The following IFT20 variants were observed in gnomAD, a reference collection of about 807,000 sequenced individuals.
IFT20 encodes intraflagellar transport protein 20 homolog.
In IFT20, 4 loss-of-function variants were observed where a neutral mutation model predicts 16.9. The observed-to-expected ratio is 0.24, with a 90% confidence interval of 0.12 to 0.54. IFT20 has a LOEUF of 0.54. Ranked by LOEUF, IFT20 falls within the 20% of genes least tolerant of loss-of-function variation. The pLI is 0.95. For missense variants in IFT20, 154 were observed against 149.7 expected, an observed-to-expected ratio of 1.03 and a Z score of -0.15; for synonymous variants, 48 against 49.9, an observed-to-expected ratio of 0.96 and a Z score of 0.16.
Position 28,332,666 on chromosome 17 carries a change from A to C in IFT20, c.-2-679T>G, listed in dbSNP as rs114024905. On this transcript the variant is annotated intron_variant, in intron 1 of 4. Coordinates refer to ENST00000395418, the MANE Select transcript of IFT20 (RefSeq NM_001267776.2). Reference sequence around the variant, plus strand: ...AAAAAATAAAAAGTCAGGAGTAAGAATATTACTCAAAACGTATGCTTGCCT... The same window carrying C: ...AAAAAATAAAAAGTCAGGAGTAAGACTATTACTCAAAACGTATGCTTGCCT... 970 of 156,936 alleles carry C rather than the reference A, an allele frequency of 6.2e-3. 11 individuals carry two copies. Among genetic ancestry groups the C allele is most frequent in the African/African-American group, 0.021 (860 of 41,590 alleles). 9.7% of individuals were successfully genotyped at this position (156,936 alleles called of 1,614,324 possible). A position where few individuals can be genotyped will look rare whatever the true frequency, so the allele number is the denominator to read the frequency against.
intron 3 of IFT20, 49 bp downstream of exon 3, chr17:28,330,394 G>A (rs1206426130): frequency 1.5e-6 from 2 of 1,292,484 alleles, no homozygotes; most frequent in East Asian, 2.3e-5. Context: ...AGAGGGTAGT[G>A]AACTAGGGTC....
chr17:28,333,088 C>CACACACAA (rs1311482650), intron 1 of IFT20, among the ~76,000 whole-genome samples: 2 of 143,838 alleles, frequency 1.4e-5, no homozygotes, highest in Non-Finnish European at 3.0e-5. Context: ...CACACACACA[C>CACACACAA]ACACACACAC....
In IFT20 at chr17:28,333,941, C is replaced by A. The variant is rs527863226; in HGVS notation, c.-3+1399G>T. ...GTGAGACCCTGTCTCAAAAAAAAAA[C>A]CAAAAAATCTGTCTTTCGCAGCTAC... On this transcript the variant is annotated intron_variant, in intron 1 of 4. Coordinates refer to ENST00000395418, the MANE Select transcript of IFT20 (RefSeq NM_001267776.2). Among the ~76,000 whole-genome samples, 11 of 151,944 alleles carry A rather than the reference C, an allele frequency of 7.2e-5. No homozygotes were observed. In the South Asian group the frequency reaches 8.3e-4, roughly 11 times the overall value.
At chr17:28,330,685 C>A (rs1176320022) in intron 2 of IFT20, among the ~76,000 whole-genome samples, 157 bp from the exon 3 acceptor site, 1 of 152,048 alleles carries the variant, frequency 6.6e-6, no homozygotes, top group African/African-American at 2.4e-5. Context: ...CAACTGTAGT[C>A]CCAGCTACTC....
At chr17:28,332,172 G>T in intron 1 of IFT20, 185 bp from the exon 2 acceptor site, 3 of 1,539,276 alleles carry the variant, frequency 1.9e-6, no homozygotes, top group South Asian at 2.4e-5. Context: ...TTCCCTAGAG[G>T]AGTTCTGCTC....
intron 3 of IFT20, chr17:28,329,507 C>T (rs1906588775): frequency 2.1e-6 from 1 of 485,182 alleles, no homozygotes; most frequent in Non-Finnish European, 3.7e-6. Flanking sequence ...GAGCCAGGGA[C>T]ACAGGCACAA....
chr17:28,330,141 TG>T, intron 3 of IFT20: 1 of 604,096 alleles, frequency 1.7e-6, no homozygotes, highest in South Asian at 1.9e-5. Context: ...GAGGGTGAGG[TG>T]GGAGAATCGC....
At position 28,330,849 on chromosome 17, in the gene IFT20, T is replaced by G. The variant is rs528077610; in HGVS notation, c.128-321A>C. On this transcript the variant is annotated intron_variant, in intron 2 of 4. Coordinates refer to ENST00000395418, the MANE Select transcript of IFT20 (RefSeq NM_001267776.2). The stretch of plus-strand genomic sequence containing the variant: ...GTTGGCCTGTCTCCTACCCTTGGTC[T>G]GAACCTAGAGAAGGGTGGCCAGCTG... Among the ~76,000 whole-genome samples, 5 of 152,356 alleles carry G rather than the reference T, an allele frequency of 3.3e-5. No individual in the cohort carries two copies. The South Asian group carries it at 1.0e-3, about 32-fold the overall frequency.
chr17:28,330,653 G>T, intron 2 of IFT20, 125 bp from the exon 3 acceptor site: 1 of 684,766 alleles, frequency 1.5e-6, no homozygotes, highest in Non-Finnish European at 2.6e-6. Flanking sequence ...ATAGTTCGGT[G>T]TGGGCCAGGC....
intron 1 of IFT20, among the ~76,000 whole-genome samples, chr17:28,334,552 TAGAA>T (rs1165433873): frequency 2.6e-5 from 4 of 152,186 alleles, no homozygotes; most frequent in Admixed American, 6.5e-5. Flanking sequence ...AAATCAGACT[TAGAA>T]AGATCACTCT....
chr17:28,332,002 G>A lies in IFT20; in HGVS notation c.-2-15C>T, dbSNP rs1555576641. On this transcript the variant is annotated splice_polypyrimidine_tract_variant and intron_variant, in intron 1 of 4. Coordinates refer to ENST00000395418, the MANE Select transcript of IFT20 (RefSeq NM_001267776.2). ...CTTGGCCATGGCTGTAAAGAAACAG[G>A]CCCAATTCCTCATCACTTCCCAGCC... The A allele has an allele frequency of 6.2e-7, 1 of 1,614,116 alleles. No individual in the cohort carries two copies. The highest frequency in any genetic ancestry group is 2.2e-5 in the East Asian group (1 of 44,884).
At chr17:28,330,734 T>TA (rs1375747944) in intron 2 of IFT20, among the ~76,000 whole-genome samples, 2 of 152,076 alleles carry the variant, frequency 1.3e-5, no homozygotes, top group Admixed American at 1.3e-4. Flanking sequence ...ACCCAGGAGT[T>TA]AGAGGATGTG....
intron 1 of IFT20, among the ~76,000 whole-genome samples, chr17:28,334,265 A>G (rs553570006): frequency 1.3e-5 from 2 of 152,364 alleles, no homozygotes; most frequent in East Asian, 3.9e-4. Flanking sequence ...TTCTGAAAAA[A>G]ATGACACTTA....
At chr17:28,333,254 C>G (rs565553783) in intron 1 of IFT20, among the ~76,000 whole-genome samples, 1 of 152,256 alleles carries the variant, frequency 6.6e-6, no homozygotes, top group African/African-American at 2.4e-5. Context: ...CCTCTGCCCC[C>G]ACTGCCCCCA....
chr17:28,335,267 C>G (rs1211750210), intron 1 of IFT20, 73 bp downstream of exon 1: 2 of 152,236 alleles, frequency 1.3e-5, no homozygotes, highest in Admixed American at 6.5e-5. Context: ...TACTGCCTTT[C>G]CTCAGGACGC....
intron 1 of IFT20, among the ~76,000 whole-genome samples, chr17:28,333,831 T>C (rs1906947711): frequency 6.6e-6 from 1 of 151,920 alleles, no homozygotes; most frequent in Non-Finnish European, 1.5e-5. Flanking sequence ...CTTGGGAGGG[T>C]AAGCTGGGAG....
At chr17:28,333,870 G>A (rs1419874600) in intron 1 of IFT20, among the ~76,000 whole-genome samples, 1 of 152,144 alleles carries the variant, frequency 6.6e-6, no homozygotes, top group Admixed American at 6.5e-5. Context: ...GGTGGAGGCT[G>A]CAGTGAGCCG....
chr17:28,332,182 C>A lies in IFT20; in HGVS notation c.-2-195G>T. The A allele has an allele frequency of 2.0e-6, 3 of 1,538,044 alleles. No individual in the cohort carries two copies. The South Asian group carries it at 3.6e-5, about 18-fold the overall frequency. On this transcript the variant is annotated intron_variant, in intron 1 of 4. Coordinates refer to ENST00000395418, the MANE Select transcript of IFT20 (RefSeq NM_001267776.2). ...CCAGGTTCCCTAGAGGAGTTCTGCT[C>A]TGAAGGAGTGACAGTGGCAGTCAGG... is the stretch of plus-strand genomic sequence containing the variant.
intron 1 of IFT20, chr17:28,332,800 G>A (rs972594364): frequency 1.6e-4 from 25 of 152,890 alleles, no homozygotes; most frequent in Admixed American, 4.6e-4. Context: ...GGTATTCCAA[G>A]CAGAGAAAAC....
Sources: allele counts gnomAD v4.1 joint callset (sites outside exome capture counted in the v4.1 genomes callset), GRCh38; gene constraint gnomAD v4.1.1; transcripts MANE v1.5; gene names NCBI Gene and HGNC (gene_info 2026-07-23, HGNC 2026-07-21).